Variants in KLRG1 observed in about 807,000 individuals in gnomAD.
The protein encoded by KLRG1 is killer cell lectin-like receptor subfamily G member 1.
KLRG1 carries 16 observed loss-of-function variants against 21.8 expected under a neutral mutation model. The observed-to-expected ratio is 0.73, with a 90% CI of 0.50 to 1.11. KLRG1 has a LOEUF of 1.11. Among genes scored for constraint, KLRG1 ranks in the 50% most tolerant of loss-of-function variants. KLRG1 has a pLI of 0.00. For missense variants in KLRG1, 173 were observed against 218.3 expected (o/e 0.79, Z 1.31); for synonymous variants, 69 against 75.9 (o/e 0.91, Z 0.47).
the KLRG1 span, chr12:9,076,803 T>C: frequency 1.5e-4 from 240 of 1,613,994 alleles, 3 homozygotes; most frequent in African/African-American, 2.9e-3. Context: ...TTCCTTCCTC[T>C]TGTCCTGGTT....
At chr12:9,067,643 T>C in the KLRG1 span, 1 of 698,686 alleles carries the variant, frequency 1.4e-6, no homozygotes, top group Non-Finnish European at 2.6e-6. Flanking sequence ...TTAATCTTGG[T>C]ATTCTATTGG....
chr12:9,031,997 C>T, the KLRG1 span, among the ~76,000 whole-genome samples: 1 of 152,274 alleles, frequency 6.6e-6, no homozygotes. Flanking sequence ...ACTCAGTCCA[C>T]TAATTTAAAT....
chr12:9,038,526 T>A, the KLRG1 span, among the ~76,000 whole-genome samples: 1 of 152,144 alleles, frequency 6.6e-6, no homozygotes, highest in Non-Finnish European at 1.5e-5. Flanking sequence ...CTTCAATAAA[T>A]ATCTAGATTA....
the KLRG1 span, chr12:9,036,913 C>T: frequency 3.1e-6 from 1 of 321,286 alleles, no homozygotes; most frequent in Non-Finnish European, 6.3e-6. Flanking sequence ...GGACTTCGAG[C>T]TTCACACTAA....
At chr12:9,123,813 A>G in the KLRG1 span, among the ~76,000 whole-genome samples, 1 of 150,624 alleles carries the variant, frequency 6.6e-6, no homozygotes, top group African/African-American at 2.4e-5. Flanking sequence ...CTTAAACTTT[A>G]TAGTAATTTC....
At chr12:9,004,082 T>G (rs1194861410) in intron 3 of KLRG1, among the ~76,000 whole-genome samples, 1 of 152,108 alleles carries the variant, frequency 6.6e-6, no homozygotes, top group African/African-American at 2.4e-5. Flanking sequence ...ATGTGCCACA[T>G]TTTCTTAATC....
the KLRG1 span, chr12:9,064,997 T>C: frequency 1.3e-5 from 2 of 151,958 alleles, no homozygotes; most frequent in African/African-American, 2.4e-5. This position sits in a 1 kb window ranked among gnomAD's most constrained non-coding sequence, Gnocchi z 4.0. Flanking sequence ...CGTGATCTGC[T>C]CCCGGAGGCG....
At chr12:9,027,845 GT>G in the KLRG1 span, 1 of 998,334 alleles carries the variant, frequency 1.0e-6, no homozygotes, top group Non-Finnish European at 1.6e-6. Flanking sequence ...CACTACCAAA[GT>G]TGTCACTCCC....
chr12:9,062,020 A>T, the KLRG1 span, among the ~76,000 whole-genome samples: 1 of 151,594 alleles, frequency 6.6e-6, no homozygotes, highest in Non-Finnish European at 1.5e-5. Flanking sequence ...AATATATCTG[A>T]TATATTTATA....
chr12:9,202,383 G>A, the KLRG1 span: 1 of 1,614,148 alleles, frequency 6.2e-7, no homozygotes, highest in African/African-American at 1.3e-5. Context: ...TGGAAAAGTA[G>A]TTCTCCGATA....
At chr12:9,121,925 A>G in the KLRG1 span, among the ~76,000 whole-genome samples, 1 of 152,338 alleles carries the variant, frequency 6.6e-6, no homozygotes, top group East Asian at 1.9e-4. The surrounding 1 kb of genome is among the most constrained non-coding windows in gnomAD (Gnocchi z 4.4). Flanking sequence ...GCACTCATTT[A>G]AAATTTTACC....
chr12:8,995,929 G>A lies in KLRG1; in HGVS notation c.357+641G>A, dbSNP rs780623533. ...GATCTCCTGACCTTGTGATCTGCCC[G>A]CCTCGGCCTCCCAAAGTGCTGGGAT... On this transcript the variant is annotated intron_variant, in intron 3 of 4. Coordinates refer to ENST00000356986, the MANE Select transcript of KLRG1 (RefSeq NM_005810.4). Among the ~76,000 whole-genome samples the A allele has an allele frequency of 3.9e-5, 6 of 152,144 alleles. No individual in the cohort carries two copies. In the South Asian group the frequency reaches 6.2e-4, roughly 16 times the overall value.
the KLRG1 span, among the ~76,000 whole-genome samples, chr12:9,125,712 C>T: frequency 6.6e-6 from 1 of 151,990 alleles, no homozygotes; most frequent in Non-Finnish European, 1.5e-5. Context: ...TAAAATAGTG[C>T]GTGTATGTAT....
chr12:9,035,021 T>C, the KLRG1 span, among the ~76,000 whole-genome samples: 4 of 150,344 alleles, frequency 2.7e-5, no homozygotes. Flanking sequence ...CAAAGCTATT[T>C]AAAAAGTAAA....
chr12:9,138,842 CT>C, the KLRG1 span, among the ~76,000 whole-genome samples: 4 of 149,992 alleles, frequency 2.7e-5, no homozygotes, highest in Admixed American at 6.6e-5. Context: ...TCTTTCATTT[CT>C]TTTTTTTTAG....
the KLRG1 span, chr12:9,028,202 A>G: frequency 1.7e-6 from 1 of 582,968 alleles, no homozygotes; most frequent in South Asian, 1.9e-5. Context: ...CCTAGGCTGG[A>G]ATGCAATGGT....
chr12:9,200,888 A>G, the KLRG1 span: 3 of 1,611,038 alleles, frequency 1.9e-6, no homozygotes, highest in African/African-American at 1.3e-5. Context: ...TCCATAATCC[A>G]TACCAAATTC....
intron 3 of KLRG1, among the ~76,000 whole-genome samples, chr12:8,997,400 A>G (rs1450655519): frequency 6.6e-6 from 1 of 152,128 alleles, no homozygotes; most frequent in Non-Finnish European, 1.5e-5. Context: ...TTCTAGTGTT[A>G]TTATTCTTTT....
chr12:9,095,820 C>T, the KLRG1 span: 11 of 778,044 alleles, frequency 1.4e-5, no homozygotes, highest in South Asian at 4.2e-5. Flanking sequence ...ACTGCAGTGG[C>T]GCAATCTCGG....
Sources: allele counts gnomAD v4.1 joint callset (sites outside exome capture counted in the v4.1 genomes callset), GRCh38; gene constraint gnomAD v4.1.1; non-coding constraint Gnocchi (gnomAD v3.1); transcripts MANE v1.5; gene names NCBI Gene and HGNC (gene_info 2026-07-23, HGNC 2026-07-21).